ARHGEF37: variants seen among roughly 807,000 people sequenced by gnomAD.
The protein encoded by ARHGEF37 is Rho guanine nucleotide exchange factor 37, also known as Rho guanine nucleotide exchange factor (GEF) 37.
A neutral mutation model predicts 71.1 loss-of-function variants in ARHGEF37; 55 were observed. The ratio of observed to expected loss-of-function variants is 0.77; its 90% CI spans 0.62 to 0.97. The LOEUF (loss-of-function observed/expected upper bound fraction) is 0.97. Among genes scored for constraint, ARHGEF37 ranks in the 50% least tolerant of loss-of-function variants. The pLI is 0.00. For missense variants in ARHGEF37, 765 were observed against 836.8 expected (o/e 0.91, Z 1.06); for synonymous variants, 327 against 350.6 (o/e 0.93, Z 0.75).
chr5:149,620,218 T>G, intron 7 of ARHGEF37, 136 bp from the exon 8 acceptor site: 1 of 563,160 alleles, frequency 1.8e-6, no homozygotes, highest in Non-Finnish European at 3.1e-6. Flanking sequence ...GAGAATAGAA[T>G]CAGCTGTGTG....
At chr5:149,629,596 A>C (rs1275625108) in intron 12 of ARHGEF37, among the ~76,000 whole-genome samples, 2 of 152,172 alleles carry the variant, frequency 1.3e-5, no homozygotes, top group Non-Finnish European at 2.9e-5. Context: ...AACCGAATGA[A>C]GCCAGTGTGG....
chr5:149,596,293 G>T (rs1390172998), intron 1 of ARHGEF37, among the ~76,000 whole-genome samples: 1 of 152,064 alleles, frequency 6.6e-6, no homozygotes. Flanking sequence ...CTTGTCCATG[G>T]TATTGCCCTT....
upstream of ARHGEF37, among the ~76,000 whole-genome samples, chr5:149,579,090 C>T (rs6861618): frequency 0.27 from 41,249 of 152,052 alleles, 6,263 homozygotes; most frequent in African/African-American, 0.41. Flanking sequence ...TTGACACTTA[C>T]GTCTAAAACC....
At chr5:149,565,983 T>C (rs891992810) in intron 1 of ARHGEF37, among the ~76,000 whole-genome samples, 1 of 151,172 alleles carries the variant, frequency 6.6e-6, no homozygotes, top group African/African-American at 2.4e-5. Flanking sequence ...CCAAGTAGCT[T>C]GGATTACAGG....
rs1763944658 is a variant in ARHGEF37 at position 149,607,478 on chromosome 5, G to C, written c.311-2070G>C. 2.6e-5 allele frequency among the ~76,000 whole-genome samples: 4 copies of C among 152,218 alleles called. No individual in the cohort carries two copies. The South Asian group carries it at 8.3e-4, about 32-fold the overall frequency. On this transcript the variant is annotated intron_variant, in intron 3 of 12. Coordinates refer to ENST00000333677, the MANE Select transcript of ARHGEF37 (RefSeq NM_001001669.3). ...CCACCATTTTCTAACTCTTTATTTGGCTCCGTTTTAATTCATGGCACTTAT... is the reference window on the plus strand; with the variant it reads ...CCACCATTTTCTAACTCTTTATTTGCCTCCGTTTTAATTCATGGCACTTAT...
chr5:149,613,176 T>C (rs1752250914), intron 4 of ARHGEF37, among the ~76,000 whole-genome samples: 1 of 152,188 alleles, frequency 6.6e-6, no homozygotes, highest in South Asian at 2.1e-4. Context: ...GTTTTAAATA[T>C]AAAAGCAACA....
intron 12 of ARHGEF37, among the ~76,000 whole-genome samples, chr5:149,630,160 C>T (rs1449802061): frequency 6.6e-6 from 1 of 152,120 alleles, no homozygotes; most frequent in Non-Finnish European, 1.5e-5. Context: ...GAATTGTACA[C>T]TTTAAAAGGG....
At position 149,616,604 on chromosome 5, in the gene ARHGEF37, G is replaced by A; in HGVS notation, c.496G>A (p.Val166Ile). 1.2e-6 allele frequency: 2 copies of A among 1,611,836 alleles called. No individual in the cohort carries two copies. Among genetic ancestry groups the A allele is most frequent in the South Asian group, 1.1e-5 (1 of 90,914 alleles). Reference protein sequence around the residue: ...AGSSGLSFLLVIPLQRITRYP... With the variant: ...AGSSGLSFLLIIPLQRITRYP... ...ATCTTCAGGCCTCAGTTTCTTGCTG[G>A]TAATTCCTCTGCAGAGGATCACCAG... The change falls in exon 5 of 13, where the codon GTA becomes ATA. Residue 166 changes from valine (V) to isoleucine (I), a missense_variant. By Grantham distance (29) the Val-to-Ile change is conservative (BLOSUM62 3). Transcript: ENST00000333677.
rs1763021739 is a variant in ARHGEF37, at chr5:149,575,840, T to A, written c.-11-21919T>A. The stretch of plus-strand genomic sequence containing the variant: ...GGGCAGATTGCTTGAGCTCAGGGAG[T>A]TTGAGACTAGCCTGGGCAACAAGGT... On this transcript the variant is annotated intron_variant, in intron 1 of 2. Coordinates refer to the ARHGEF37 transcript ENST00000505810. 2.6e-5 allele frequency among the ~76,000 whole-genome samples: 4 copies of A among 151,638 alleles called. No individual in the cohort carries two copies. In the South Asian group the frequency reaches 8.3e-4, roughly 32 times the overall value.
chr5:149,565,496 A>G (rs1447345943), intron 1 of ARHGEF37, among the ~76,000 whole-genome samples: 1 of 152,192 alleles, frequency 6.6e-6, no homozygotes, highest in East Asian at 1.9e-4. Context: ...ACTATACAAC[A>G]TATATTTATG....
At position 149,609,409 on chromosome 5, in the gene ARHGEF37, C is replaced by T. The variant is rs566331483; in HGVS notation, c.311-139C>T. 3.7e-5 allele frequency: 32 copies of T among 871,480 alleles called. No individual in the cohort carries two copies. The African/African-American group carries it at 5.0e-4, about 14-fold the overall frequency. The allele number at this position is 871,480 out of a possible 1,614,324, so 54.0% of individuals were successfully genotyped here. Reference sequence around the variant, plus strand: ...AAACAGAAAGTCAGGAAGATGAGGTCATTTGCCCATGGTGACATGCTGGTA... The same window carrying T: ...AAACAGAAAGTCAGGAAGATGAGGTTATTTGCCCATGGTGACATGCTGGTA... On this transcript the variant is annotated intron_variant, in intron 3 of 12. Coordinates refer to ENST00000333677, the MANE Select transcript of ARHGEF37 (RefSeq NM_001001669.3).
At chr5:149,597,613 C>A in intron 1 of ARHGEF37, 146 bp from the exon 2 acceptor site, 1 of 672,116 alleles carries the variant, frequency 1.5e-6, no homozygotes, top group South Asian at 2.6e-5. Flanking sequence ...GTACTGCCTA[C>A]AAATGCTAAT....
At chr5:149,590,241 G>A (rs1301912814) in intron 1 of ARHGEF37, among the ~76,000 whole-genome samples, 3 of 151,854 alleles carry the variant, frequency 2.0e-5, no homozygotes, top group African/African-American at 7.3e-5. Context: ...AGAATCAGAA[G>A]CAGTAGCTTG....
chr5:149,629,817 A>G (rs1490967256), intron 12 of ARHGEF37, among the ~76,000 whole-genome samples: 2 of 152,240 alleles, frequency 1.3e-5, no homozygotes, highest in Non-Finnish European at 2.9e-5. Flanking sequence ...TGAATGGATA[A>G]ACACAACGCG....
intron 12 of ARHGEF37, among the ~76,000 whole-genome samples, chr5:149,630,289 G>A (rs374131615): frequency 6.2e-4 from 94 of 152,300 alleles, no homozygotes; most frequent in African/African-American, 2.2e-3. Context: ...GATGTTGGAA[G>A]GATGGGATGA....
rs968266910 is a variant in ARHGEF37, at chr5:149,591,267, C to T, written c.-11-6492C>T. The stretch of plus-strand genomic sequence containing the variant: ...GTTGAATGTTCCAGAGTTAATACTT[C>T]TGCAGCAAGCTATTGCTTCTGCCCA... On this transcript the variant is annotated intron_variant, in intron 1 of 12. Transcript: ENST00000333677. 2.0e-5 allele frequency among the ~76,000 whole-genome samples: 3 copies of T among 152,014 alleles called. No homozygotes were observed. In the South Asian group the frequency reaches 6.2e-4, roughly 31 times the overall value.
chr5:149,592,712 G>C (rs1447235781), intron 1 of ARHGEF37, among the ~76,000 whole-genome samples: 1 of 152,120 alleles, frequency 6.6e-6, no homozygotes, highest in Non-Finnish European at 1.5e-5. Context: ...CTGACAAACT[G>C]TTTTCCAGAG....
chr5:149,594,644 AT>A (rs1410073504), intron 1 of ARHGEF37, among the ~76,000 whole-genome samples: 1 of 152,236 alleles, frequency 6.6e-6, no homozygotes, highest in Non-Finnish European at 1.5e-5. Flanking sequence ...TACAAGATGA[AT>A]AGGTGCTCAT....
At chr5:149,576,894 T>G (rs1303149071), upstream of ARHGEF37, among the ~76,000 whole-genome samples, 4 of 152,200 alleles carry the variant, frequency 2.6e-5, no homozygotes, top group South Asian at 8.3e-4. Flanking sequence ...AGGCAGAGGT[T>G]GCAGTGAGCC....
Sources: gnomAD v4.1 joint callset for allele counts (sites outside exome capture counted in the v4.1 genomes callset) on GRCh38, gnomAD v4.1.1 for gene constraint, MANE v1.5 for transcripts, NCBI Gene and HGNC (gene_info 2026-07-23, HGNC 2026-07-21) for gene names.